The following OCM2 variants were observed in gnomAD, a reference collection of about 807,000 sequenced individuals.
The protein encoded by OCM2 is oncomodulin-2.
OCM2 carries 6 observed loss-of-function variants against 13.6 expected under a neutral mutation model. That is an observed-to-expected ratio of 0.44 (90% CI 0.24 to 0.87). OCM2 has a LOEUF of 0.87. Ranked by LOEUF, OCM2 falls within the 40% of genes least tolerant of loss-of-function variation. The probability of loss-of-function intolerance (pLI) is 0.22; values close to 1 mark genes in which losing one functional copy is unlikely to be tolerated. For synonymous variants in OCM2, 40 were observed against 50.7 expected (o/e 0.79, Z 0.90); for missense variants, 118 against 136.8 (o/e 0.86, Z 0.68).
chr7:97,985,029 T>C, intron 3 of OCM2, 46 bp from the exon 4 acceptor site: 1 of 1,613,864 alleles, frequency 6.2e-7, no homozygotes, highest in South Asian at 1.1e-5. Context: ...GTGGCTTCGT[T>C]CTTTACAGAC....
At chr7:97,990,016 T>TGGCCCCCCCCCCCCC in intron 1 of OCM2, 28 bp downstream of exon 1, 2 of 1,083,836 alleles carry the variant, frequency 1.8e-6, no homozygotes, top group Non-Finnish European at 1.4e-6. Context: ...TGTGAGGAAA[T>TGGCCCCCCCCCCCCC]CCCACCCCCG....
exon 4 of OCM2, chr7:97,984,809 C>G: frequency 2.6e-6 from 3 of 1,175,038 alleles, no homozygotes; most frequent in Non-Finnish European, 3.6e-6. Flanking sequence ...CTCTCGTGAC[C>G]TCGCTAAAAC....
At chr7:97,985,830 C>T (rs1184307301) in intron 3 of OCM2, among the ~76,000 whole-genome samples, 3 of 152,052 alleles carry the variant, frequency 2.0e-5, no homozygotes, top group Non-Finnish European at 4.4e-5. Flanking sequence ...ATGGATGTTA[C>T]AGATTGATAT....
intron 3 of OCM2, among the ~76,000 whole-genome samples, chr7:97,985,968 A>C (rs1179951256): frequency 2.0e-5 from 3 of 151,908 alleles, no homozygotes; most frequent in Non-Finnish European, 4.4e-5. Context: ...GCTGGAGTGC[A>C]ATGGTGCCAT....
chr7:97,985,769 C>T (rs527625291), intron 3 of OCM2, among the ~76,000 whole-genome samples: 1 of 152,130 alleles, frequency 6.6e-6, no homozygotes, highest in Non-Finnish European at 1.5e-5. Context: ...TTGAACCAAA[C>T]TCCAAAAGTT....
At chr7:97,987,529 T>C (rs1794684768) in intron 2 of OCM2, among the ~76,000 whole-genome samples, 1 of 152,054 alleles carries the variant, frequency 6.6e-6, no homozygotes, top group South Asian at 2.1e-4. Flanking sequence ...TATTTTTTTT[T>C]TGTAGAGACA....
chr7:97,988,368 G>A, intron 2 of OCM2, 48 bp downstream of exon 2: 2 of 1,610,704 alleles, frequency 1.2e-6, no homozygotes, highest in African/African-American at 1.3e-5. Flanking sequence ...TGCACCCCAG[G>A]CCCACCCAGC....
chr7:97,987,794 T>A (rs1450637691), intron 2 of OCM2, among the ~76,000 whole-genome samples: 3 of 152,218 alleles, frequency 2.0e-5, no homozygotes, highest in Non-Finnish European at 4.4e-5. Context: ...GCAATTCTTG[T>A]GCTTCAGTCT....
chr7:97,985,840 T>C (rs1224722479), intron 3 of OCM2, among the ~76,000 whole-genome samples: 1 of 152,206 alleles, frequency 6.6e-6, no homozygotes, highest in East Asian at 1.9e-4. Context: ...CAGATTGATA[T>C]AAAAAACTGG....
chr7:97,985,688 T>C (rs1794664337), intron 3 of OCM2, among the ~76,000 whole-genome samples: 1 of 152,186 alleles, frequency 6.6e-6, no homozygotes, highest in Non-Finnish European at 1.5e-5. Context: ...TTTCTTTCTC[T>C]ATTCTGTAGC....
chr7:97,988,424 T>C lies in OCM2; in HGVS notation c.186A>G (p.Glu62=), dbSNP rs759150424. ...CTCAGGACAAAGCTTACTTAAGCTC[T>C]TCTTCATCCAGATACCCGCTCTGGT... The change falls in exon 2 of 4, where the codon GAA becomes GAG. Residue 62 remains glutamate, a synonymous_variant. Transcript: ENST00000257627. The C allele has an allele frequency of 6.2e-6, 10 of 1,614,074 alleles. 1 individual carries two copies. In the South Asian group the frequency reaches 1.1e-4, roughly 18 times the overall value.
At chr7:97,988,622 A>G (rs1794696539) in intron 1 of OCM2, 74 bp from the exon 2 acceptor site, 2 of 1,580,676 alleles carry the variant, frequency 1.3e-6, no homozygotes, top group Admixed American at 3.4e-5. Flanking sequence ...TACTGAAAAC[A>G]CAGATGATTA....
intron 2 of OCM2, 58 bp downstream of exon 2, chr7:97,988,358 T>C: frequency 9.3e-6 from 15 of 1,606,644 alleles, no homozygotes; most frequent in Non-Finnish European, 1.3e-5. Context: ...TGGCCCCCAC[T>C]GCACCCCAGG....
chr7:97,989,943 C>T (rs1794715336), intron 1 of OCM2, 101 bp downstream of exon 1: 1 of 1,186,242 alleles, frequency 8.4e-7, no homozygotes, highest in African/African-American at 1.5e-5. Context: ...CAGGCGTGAG[C>T]CACTGCGTCT....
intron 1 of OCM2, among the ~76,000 whole-genome samples, chr7:97,989,194 G>T (rs1794704679): frequency 6.6e-6 from 1 of 151,854 alleles, no homozygotes; most frequent in Non-Finnish European, 1.5e-5. Context: ...GCCTCCCAAA[G>T]TGCTGGGATT....
In OCM2 at chr7:97,985,431, A is replaced by AAAAAGAAAGAAAGAAAGAAAG. The variant is rs757682710; in HGVS notation, c.305-449_305-448insCTTTCTTTCTTTCTTTCTTTT. 2.5e-4 allele frequency among the ~76,000 whole-genome samples: 33 copies of AAAAAGAAAGAAAGAAAGAAAG among 131,542 alleles called. 1 individual carries two copies. The highest frequency in any genetic ancestry group is 7.8e-4 in the African/African-American group (29 of 37,130). 86.3% of individuals were successfully genotyped at this position (131,542 alleles called of 152,430 possible). On this transcript the variant is annotated intron_variant, in intron 3 of 3. Transcript: ENST00000257627. Reference sequence around the variant, plus strand: ...CAGACTCCATCTCAAAAAAAAAAAAAAAAGAAAGAAAGAAAGAAAGAAAGA... The same window carrying AAAAAGAAAGAAAGAAAGAAAG: ...CAGACTCCATCTCAAAAAAAAAAAAAAAAAGAAAGAAAGAAAGAAAGAAAGAAAGAAAGAAAGAAAGAAAGA...
exon 2 of OCM2, chr7:97,988,416 T>A: frequency 5.0e-6 from 8 of 1,614,118 alleles, no homozygotes; most frequent in Non-Finnish European, 6.8e-6. Context: ...CAAAGCTTAC[T>A]TAAGCTCTTC....
exon 3 of OCM2, chr7:97,987,048 C>T (rs1314194708): frequency 6.2e-7 from 1 of 1,613,132 alleles, no homozygotes. Flanking sequence ...TGGACATACC[C>T]TCTGCTCCAA....
intron 2 of OCM2, among the ~76,000 whole-genome samples, chr7:97,987,495 C>T (rs1794684423): frequency 6.6e-6 from 1 of 151,540 alleles, no homozygotes; most frequent in African/African-American, 2.4e-5. Context: ...AAAGGTGCAC[C>T]CCCCCATGCC....
Sources: allele counts gnomAD v4.1 joint callset (sites outside exome capture counted in the v4.1 genomes callset), GRCh38; gene constraint gnomAD v4.1.1; transcripts MANE v1.5; gene names NCBI Gene and HGNC (gene_info 2026-07-23, HGNC 2026-07-21).